USH2A: variants seen among roughly 807,000 people sequenced by gnomAD.
The protein encoded by USH2A is Usher syndrome 2A (autosomal recessive, mild).
In USH2A, 443 loss-of-function variants were observed where a neutral mutation model predicts 538.9. The ratio of observed to expected loss-of-function variants is 0.82; its 90% confidence interval spans 0.76 to 0.89. The LOEUF (loss-of-function observed/expected upper bound fraction) is 0.89, where lower values mean the gene tolerates loss of function less well. USH2A is among the 40% of genes least tolerant of loss of function. The pLI, the probability that USH2A is intolerant of heterozygous loss-of-function variation, is 0.00. For synonymous variants in USH2A, 2,413 were observed against 2,273.5 expected (o/e 1.06, Z -1.75); for missense variants, 6,633 against 6,324.8 (o/e 1.05, Z -1.65).
chr1:215,970,045 G>A (rs938902767), intron 36 of USH2A, among the ~76,000 whole-genome samples: 4 of 152,068 alleles, frequency 2.6e-5, no homozygotes, highest in Non-Finnish European at 4.4e-5. Context: ...TTGTCAAGCT[G>A]TTAACTGCTA....
intron 21 of USH2A, among the ~76,000 whole-genome samples, chr1:216,118,549 A>G (rs1255959040): frequency 6.6e-6 from 1 of 152,140 alleles, no homozygotes; most frequent in African/African-American, 2.4e-5. Flanking sequence ...CTATTCAAGA[A>G]ATGTATATTG....
intron 18 of USH2A, among the ~76,000 whole-genome samples, 159 bp from the exon 19 acceptor site, chr1:216,196,881 G>T (rs1429767399): frequency 1.3e-5 from 2 of 152,042 alleles, no homozygotes; most frequent in Non-Finnish European, 2.9e-5. Flanking sequence ...TATGTAAAAG[G>T]TATTCACTTT....
At chr1:215,962,231 C>T (rs1370912660) in intron 37 of USH2A, among the ~76,000 whole-genome samples, 1 of 151,990 alleles carries the variant, frequency 6.6e-6, no homozygotes, top group Non-Finnish European at 1.5e-5. Context: ...TATATGGTCT[C>T]TATGGAATGA....
intron 21 of USH2A, among the ~76,000 whole-genome samples, chr1:216,147,241 C>T (rs532662992): frequency 1.2e-4 from 18 of 151,948 alleles, no homozygotes; most frequent in African/African-American, 2.7e-4. Flanking sequence ...CTCGCCAGGC[C>T]GAGCTAGGTC....
intron 2 of USH2A, among the ~76,000 whole-genome samples, chr1:216,421,078 A>G (rs541859202): frequency 2.6e-5 from 4 of 152,260 alleles, no homozygotes; most frequent in Non-Finnish European, 5.9e-5. Flanking sequence ...CCAGGTTGGC[A>G]ATAAATATTT....
chr1:216,294,747 C>T (rs1478850013), intron 9 of USH2A, among the ~76,000 whole-genome samples: 1 of 151,846 alleles, frequency 6.6e-6, no homozygotes, highest in East Asian at 1.9e-4. Flanking sequence ...ATTGTTATAT[C>T]TTCACTATTT....
chr1:216,042,411 G>A (rs771138210), intron 32 of USH2A, among the ~76,000 whole-genome samples: 6 of 151,392 alleles, frequency 4.0e-5, no homozygotes, highest in African/African-American at 7.3e-5. Flanking sequence ...TCCACTTCTC[G>A]GTTTCTCTAT....
intron 32 of USH2A, among the ~76,000 whole-genome samples, chr1:216,045,807 A>G (rs1228049363): frequency 2.0e-5 from 3 of 152,270 alleles, no homozygotes; most frequent in Middle Eastern, 3.4e-3. Context: ...GGTGGGCTCT[A>G]TAGAAGAGAA....
At chr1:216,041,817 C>T (rs1372329684) in intron 32 of USH2A, among the ~76,000 whole-genome samples, 2 of 151,654 alleles carry the variant, frequency 1.3e-5, no homozygotes, top group African/African-American at 2.4e-5. Context: ...ATAACTAGTA[C>T]TTTAAAATGC....
At chr1:215,860,047 C>T (rs186563337) in intron 44 of USH2A, among the ~76,000 whole-genome samples, 596 of 152,238 alleles carry the variant, frequency 3.9e-3, no homozygotes, top group Non-Finnish European at 5.6e-3. Context: ...TTTAGAAAGC[C>T]GGGCATCCCT....
At chr1:215,930,457 A>C (rs1236766723) in intron 38 of USH2A, among the ~76,000 whole-genome samples, 1 of 151,918 alleles carries the variant, frequency 6.6e-6, no homozygotes, top group African/African-American at 2.4e-5. Context: ...AAATTTATAT[A>C]CTCTATAATG....
intron 44 of USH2A, among the ~76,000 whole-genome samples, chr1:215,850,155 CAAT>C (rs771741442): frequency 6.6e-6 from 1 of 151,478 alleles, no homozygotes; most frequent in Non-Finnish European, 1.5e-5. Flanking sequence ...ACAATATTAA[CAAT>C]AATAATAAAC....
chr1:215,681,881 T>C (rs931457284), intron 61 of USH2A, among the ~76,000 whole-genome samples: 1 of 152,230 alleles, frequency 6.6e-6, no homozygotes, highest in Admixed American at 6.5e-5. Context: ...CCTCTTGAAA[T>C]CTTTTAATAT....
intron 38 of USH2A, among the ~76,000 whole-genome samples, chr1:215,912,513 GTGTA>G (rs1294443288): frequency 1.2e-4 from 2 of 16,960 alleles, no homozygotes; most frequent in African/African-American, 2.3e-4. Context: ...ATATATATAC[GTGTA>G]TATATATATA....
chr1:215,734,275 G>T (rs1318283483), intron 60 of USH2A, among the ~76,000 whole-genome samples: 1 of 152,192 alleles, frequency 6.6e-6, no homozygotes, highest in African/African-American at 2.4e-5. Flanking sequence ...TGCAGCAAGA[G>T]TAGTCAGGAT....
At chr1:215,933,625 C>T (rs1191597705) in intron 38 of USH2A, among the ~76,000 whole-genome samples, 1 of 151,552 alleles carries the variant, frequency 6.6e-6, no homozygotes, top group African/African-American at 2.4e-5. Flanking sequence ...CTGAAGATTC[C>T]CTTTTATTTT....
chr1:215,970,582 C>G, intron 36 of USH2A, 43 bp downstream of exon 36: 3 of 1,612,662 alleles, frequency 1.9e-6, no homozygotes, highest in Non-Finnish European at 2.5e-6. Context: ...TCAGTGTCAT[C>G]TGACATTTAA....
At chr1:216,186,667 G>C (rs1307940325) in intron 20 of USH2A, among the ~76,000 whole-genome samples, 1 of 151,850 alleles carries the variant, frequency 6.6e-6, no homozygotes, top group Non-Finnish European at 1.5e-5. Flanking sequence ...TTAAGCCCCA[G>C]ATTTGCAATT....
intron 44 of USH2A, among the ~76,000 whole-genome samples, chr1:215,850,602 T>A (rs1326236332): frequency 6.6e-6 from 1 of 152,066 alleles, no homozygotes; most frequent in Non-Finnish European, 1.5e-5. Flanking sequence ...AGCAGGGGAC[T>A]TCAATACTCC....
Sources: gnomAD v4.1 joint callset for allele counts (sites outside exome capture counted in the v4.1 genomes callset) on GRCh38, gnomAD v4.1.1 for gene constraint, MANE v1.5 for transcripts, NCBI Gene and HGNC (gene_info 2026-07-23, HGNC 2026-07-21) for gene names.